The following TXLNB variants were observed in gnomAD, a reference collection of about 807,000 sequenced individuals.
The protein encoded by TXLNB is taxilin beta, also known as beta-taxilin.
In TXLNB, 37 loss-of-function variants were observed where a neutral mutation model predicts 57.4. The observed-to-expected ratio is 0.64, with a 90% CI of 0.50 to 0.85. TXLNB has a LOEUF of 0.85. Among genes scored for constraint, TXLNB ranks in the 40% least tolerant of loss-of-function variants. TXLNB has a pLI of 0.00. For missense variants in TXLNB, 848 were observed against 825.6 expected (o/e 1.03, Z -0.33); for synonymous variants, 302 against 309.6 (o/e 0.98, Z 0.26).
At chr6:139,187,657 G>C in the TXLNB span, among the ~76,000 whole-genome samples, 19 of 152,298 alleles carry the variant, frequency 1.2e-4, no homozygotes, top group East Asian at 3.3e-3. Flanking sequence ...AACTCTGCTG[G>C]GGGAAACCAT....
chr6:139,230,190 A>G, the TXLNB span, among the ~76,000 whole-genome samples: 3 of 152,180 alleles, frequency 2.0e-5, no homozygotes, highest in African/African-American at 7.2e-5. Context: ...GGCAAGGGAG[A>G]AGCCAGATGG....
the TXLNB span, chr6:139,166,033 C>G: frequency 2.6e-6 from 1 of 387,186 alleles, no homozygotes; most frequent in East Asian, 4.0e-5. Context: ...TTCTGGTATT[C>G]AGGACAACCT....
chr6:139,281,912 AT>A (rs1280668577), intron 2 of TXLNB, among the ~76,000 whole-genome samples: 2 of 148,160 alleles, frequency 1.3e-5, no homozygotes, highest in Non-Finnish European at 3.0e-5. Context: ...AAAAATAAAA[AT>A]ATTAGAAAAA....
intron 4 of TXLNB, among the ~76,000 whole-genome samples, chr6:139,263,094 T>A (rs1776528321): frequency 6.6e-6 from 1 of 152,240 alleles, no homozygotes; most frequent in African/African-American, 2.4e-5. Flanking sequence ...GATTTTGATC[T>A]CTTGGCTGTG....
At chr6:139,211,207 T>C in the TXLNB span, among the ~76,000 whole-genome samples, 1 of 152,046 alleles carries the variant, frequency 6.6e-6, no homozygotes, top group Non-Finnish European at 1.5e-5. Flanking sequence ...GACCCCTGAG[T>C]AGCCTAACTG....
chr6:139,253,640 G>T (rs1776264665), intron 7 of TXLNB, among the ~76,000 whole-genome samples: 1 of 152,018 alleles, frequency 6.6e-6, no homozygotes, highest in Admixed American at 6.6e-5. Context: ...TAGAACCCCT[G>T]GTTGATGGTT....
At chr6:139,251,352 A>G (rs1049896110) in intron 7 of TXLNB, 1 of 152,208 alleles carries the variant, frequency 6.6e-6, no homozygotes, top group Admixed American at 6.5e-5. Context: ...TCTTCCTTCC[A>G]GTGACCAGTC....
chr6:139,193,838 ATATTT>A, the TXLNB span, among the ~76,000 whole-genome samples: 1 of 52,762 alleles, frequency 1.9e-5, no homozygotes, highest in African/African-American at 8.1e-5. Context: ...ATATATATAT[ATATTT>A]TTTTTTTTTT....
the TXLNB span, among the ~76,000 whole-genome samples, chr6:139,321,057 T>A: frequency 6.6e-6 from 1 of 152,158 alleles, no homozygotes; most frequent in Non-Finnish European, 1.5e-5. Flanking sequence ...CCTCCAGACA[T>A]CCATGTTCTT....
rs1775908546 is a variant in TXLNB at position 139,240,544 on chromosome 6, C to T, written c.*1982G>A. 6.6e-6 allele frequency: 1 copy of T among 152,622 alleles called. No individual in the cohort carries two copies. The highest frequency in any genetic ancestry group is 2.4e-5 in the African/African-American group (1 of 41,454). 9.5% of individuals were successfully genotyped at this position (152,622 alleles called of 1,614,324 possible). A position where few individuals can be genotyped will look rare whatever the true frequency, so the allele number is the denominator to read the frequency against. On this transcript the variant is annotated 3_prime_UTR_variant, in exon 10 of 10. Coordinates refer to ENST00000358430, the MANE Select transcript of TXLNB (RefSeq NM_153235.4). Reference sequence around the variant, plus strand: ...CTTACTCCATTCTTGGACGTTCTGCCTCTGCAGTGGGGAAGGAGACCCTCC... The same window carrying T: ...CTTACTCCATTCTTGGACGTTCTGCTTCTGCAGTGGGGAAGGAGACCCTCC...
the TXLNB span, among the ~76,000 whole-genome samples, chr6:139,193,045 G>T: frequency 6.6e-6 from 1 of 151,118 alleles, no homozygotes; most frequent in African/African-American, 2.4e-5. Flanking sequence ...GTTAAAACCT[G>T]TGGTCATTTC....
At chr6:139,257,436 AT>A (rs1776373227) in intron 6 of TXLNB, among the ~76,000 whole-genome samples, 1 of 152,178 alleles carries the variant, frequency 6.6e-6, no homozygotes, top group South Asian at 2.1e-4. Flanking sequence ...CATCCTGTTG[AT>A]TTACACAAAA....
chr6:139,322,403 C>T, the TXLNB span, among the ~76,000 whole-genome samples: 7 of 152,168 alleles, frequency 4.6e-5, no homozygotes, highest in Admixed American at 3.9e-4. Context: ...GAACCCACTC[C>T]TGCCAGCCCT....
the TXLNB span, among the ~76,000 whole-genome samples, chr6:139,162,085 A>C: frequency 1.3e-5 from 2 of 152,170 alleles, no homozygotes; most frequent in Non-Finnish European, 2.9e-5. Flanking sequence ...AGTTTTACAA[A>C]GCCTGGGCCC....
At chr6:139,216,425 T>A in the TXLNB span, among the ~76,000 whole-genome samples, 1 of 129,186 alleles carries the variant, frequency 7.7e-6, no homozygotes, top group Non-Finnish European at 1.5e-5. Flanking sequence ...AATTGAACAA[T>A]GAGAACACAT....
At chr6:139,168,786 C>T in the TXLNB span, among the ~76,000 whole-genome samples, 1 of 152,218 alleles carries the variant, frequency 6.6e-6, no homozygotes, top group South Asian at 2.1e-4. Context: ...TTGAGACTTT[C>T]AACGTCTGAG....
Position 139,276,847 on chromosome 6 carries a change from T to C in TXLNB, c.499A>G (p.Lys167Glu), listed in dbSNP as rs150768443. Residue 167 changes from lysine to glutamate, a missense_variant, in exon 3 of 10, where the codon AAG becomes GAG. Coordinates refer to ENST00000358430, the MANE Select transcript of TXLNB (RefSeq NM_153235.4). ...TPEEKFDFLF[K>E]KYAELLDEHR... ...GATCTTACCAATTCAGCATACTTCT[T>C]GAATAAAAAATCAAACTTTTCTTCC... 17 of 1,607,556 alleles carry C rather than the reference T, an allele frequency of 1.1e-5. No individual in the cohort carries two copies. Among genetic ancestry groups the C allele is most frequent in the East Asian group, 2.2e-5 (1 of 44,758 alleles).
chr6:139,188,186 A>C, the TXLNB span, among the ~76,000 whole-genome samples: 1 of 152,124 alleles, frequency 6.6e-6, no homozygotes, highest in Admixed American at 6.5e-5. Flanking sequence ...TGGATACAGG[A>C]GCTTCTGAGA....
chr6:139,307,503 T>C, the TXLNB span, among the ~76,000 whole-genome samples: 1 of 152,250 alleles, frequency 6.6e-6, no homozygotes, highest in Non-Finnish European at 1.5e-5. Context: ...CAAATATCTA[T>C]GAATTAAATC....
Sources: allele counts gnomAD v4.1 joint callset (sites outside exome capture counted in the v4.1 genomes callset), GRCh38; gene constraint gnomAD v4.1.1; transcripts MANE v1.5; gene names NCBI Gene and HGNC (gene_info 2026-07-23, HGNC 2026-07-21).